ACACA: variants seen among roughly 807,000 people sequenced by gnomAD.
ACACA encodes acetyl-CoA carboxylase alpha.
A neutral mutation model predicts 296.1 loss-of-function variants in ACACA; 103 were observed. The observed-to-expected ratio is 0.35, with a 90% CI of 0.30 to 0.41. The LOEUF (loss-of-function observed/expected upper bound fraction) is 0.41. Ranked by LOEUF, ACACA falls within the 10% of genes least tolerant of loss-of-function variation. The probability of loss-of-function intolerance (pLI) is 1.00; values close to 1 mark genes in which losing one functional copy is unlikely to be tolerated. For synonymous variants in ACACA, 953 were observed against 1,038.6 expected, an observed-to-expected ratio of 0.92 and a Z score of 1.58; for missense variants, 1,554 against 2,989.7, an observed-to-expected ratio of 0.52 and a Z score of 11.20.
chr17:37,179,164 C>T, intron 41 of ACACA, 96 bp downstream of exon 41: 1 of 1,485,922 alleles, frequency 6.7e-7, no homozygotes, highest in Non-Finnish European at 9.4e-7. Context: ...CCCAACAAGA[C>T]TACCATGCTC....
intron 3 of ACACA, among the ~76,000 whole-genome samples, chr17:37,318,872 C>T (rs2047214740): frequency 1.3e-5 from 2 of 152,118 alleles, no homozygotes; most frequent in Non-Finnish European, 2.9e-5. Context: ...ATCTGTATGT[C>T]TTTCCTAGTC....
At chr17:37,269,557 A>T (rs1212560123) in intron 10 of ACACA, among the ~76,000 whole-genome samples, 1 of 152,210 alleles carries the variant, frequency 6.6e-6, no homozygotes, top group Non-Finnish European at 1.5e-5. Flanking sequence ...AGTGAAAAAC[A>T]ATAGCTGTAT....
chr17:37,151,144 C>T (rs2076022463), intron 44 of ACACA, among the ~76,000 whole-genome samples, 157 bp downstream of exon 44: 2 of 152,118 alleles, frequency 1.3e-5, no homozygotes, highest in South Asian at 4.1e-4. Flanking sequence ...TTATATTATC[C>T]TATCTTCCTA....
At chr17:37,181,402 A>T in intron 39 of ACACA, 46 bp from the exon 40 acceptor site, 1 of 1,609,920 alleles carries the variant, frequency 6.2e-7, no homozygotes, top group Non-Finnish European at 8.5e-7. Context: ...ACAGAAAAAA[A>T]TCAGAGAGCT....
intron 3 of ACACA, among the ~76,000 whole-genome samples, chr17:37,327,836 CAGA>C (rs1169244603): frequency 1.3e-5 from 2 of 152,164 alleles, no homozygotes; most frequent in East Asian, 1.9e-4. Flanking sequence ...TACTATACCA[CAGA>C]AGGTTTAGTA....
chr17:37,105,515 C>G (rs948793527), intron 52 of ACACA, among the ~76,000 whole-genome samples: 1 of 151,900 alleles, frequency 6.6e-6, no homozygotes. Flanking sequence ...TACTAAGAAG[C>G]CTATGTAAAT....
chr17:37,190,968 T>G (rs2077727307), intron 38 of ACACA, 152 bp downstream of exon 38: 2 of 998,086 alleles, frequency 2.0e-6, no homozygotes, highest in Non-Finnish European at 3.0e-6. Flanking sequence ...TCCCAGAAAC[T>G]CAATCTTATA....
At chr17:37,275,730 C>T (rs998739523) in intron 8 of ACACA, among the ~76,000 whole-genome samples, 6 of 152,074 alleles carry the variant, frequency 3.9e-5, no homozygotes, top group Admixed American at 1.3e-4. Flanking sequence ...CTCACAAGAT[C>T]ACTCCAGATC....
intron 1 of ACACA, among the ~76,000 whole-genome samples, chr17:37,353,637 T>TA (rs1169088763): frequency 0.42 from 23,815 of 56,700 alleles, 7,098 homozygotes; most frequent in East Asian, 0.5. Context: ...AGACTCCGTC[T>TA]AAAAAAAAAA....
intron 1 of ACACA, among the ~76,000 whole-genome samples, chr17:37,403,905 T>C (rs1435379350): frequency 2.0e-5 from 3 of 152,136 alleles, no homozygotes; most frequent in Non-Finnish European, 4.4e-5. Context: ...CCCAAGAAGC[T>C]GGGATTACAG....
chr17:37,320,272 G>T (rs148497256), intron 3 of ACACA, among the ~76,000 whole-genome samples: 1 of 152,186 alleles, frequency 6.6e-6, no homozygotes. Context: ...AGCACTTTGG[G>T]AGGCTGAGGT....
intron 1 of ACACA, chr17:37,379,204 T>A: frequency 6.2e-7 from 1 of 1,614,034 alleles, no homozygotes; most frequent in Non-Finnish European, 8.5e-7. Context: ...TGCAGTGCCT[T>A]GGCTCTGACA....
At chr17:37,345,750 C>A (rs1439172711) in intron 1 of ACACA, among the ~76,000 whole-genome samples, 1 of 152,106 alleles carries the variant, frequency 6.6e-6, no homozygotes, top group African/African-American at 2.4e-5. Flanking sequence ...AATTGAGGGA[C>A]ATTCTATAAA....
chr17:37,218,833 G>C (rs888957063), intron 29 of ACACA, among the ~76,000 whole-genome samples: 1 of 152,154 alleles, frequency 6.6e-6, no homozygotes, highest in East Asian at 1.9e-4. Flanking sequence ...AGAAAAAGAA[G>C]AAAAGTACTT....
At chr17:37,141,921 C>T (rs929193907) in intron 45 of ACACA, among the ~76,000 whole-genome samples, 3 of 151,756 alleles carry the variant, frequency 2.0e-5, no homozygotes, top group African/African-American at 7.2e-5. Flanking sequence ...AAACCACTGA[C>T]CTCAGGTGAT....
At chr17:37,392,890 C>A (rs2050940430) in intron 1 of ACACA, among the ~76,000 whole-genome samples, 2 of 152,068 alleles carry the variant, frequency 1.3e-5, no homozygotes, top group African/African-American at 2.4e-5. Flanking sequence ...CGCCTGTAAT[C>A]CCAGCACTTT....
At chr17:37,268,676 G>A (rs951335776) in intron 10 of ACACA, among the ~76,000 whole-genome samples, 2 of 149,086 alleles carry the variant, frequency 1.3e-5, no homozygotes, top group African/African-American at 5.0e-5. Flanking sequence ...TGTCTTGAAT[G>A]GTCTCTAATG....
intron 1 of ACACA, chr17:37,392,554 T>A (rs1202952187): frequency 6.6e-6 from 1 of 152,162 alleles, no homozygotes; most frequent in South Asian, 2.1e-4. Context: ...TCAGGAGGGA[T>A]AAGACAGGGT....
chr17:37,230,800 T>C (rs1414030871), intron 25 of ACACA, among the ~76,000 whole-genome samples: 1 of 152,162 alleles, frequency 6.6e-6, no homozygotes, highest in East Asian at 1.9e-4. Flanking sequence ...TTAGATGGTG[T>C]CTAGGTCAGC....
Sources: allele counts gnomAD v4.1 joint callset (sites outside exome capture counted in the v4.1 genomes callset), GRCh38; gene constraint gnomAD v4.1.1; transcripts MANE v1.5; gene names NCBI Gene and HGNC (gene_info 2026-07-23, HGNC 2026-07-21).